STK3: variants seen among roughly 807,000 people sequenced by gnomAD.
STK3 encodes the protein serine/threonine-protein kinase 3.
In STK3, 41 loss-of-function variants were observed where a neutral mutation model predicts 58.0. That is an observed-to-expected ratio of 0.71 (90% confidence interval 0.55 to 0.92). The LOEUF is 0.92. Among genes scored for constraint, STK3 ranks in the 40% least tolerant of loss-of-function variants. STK3 has a pLI of 0.00. For missense variants in STK3, 479 were observed against 602.7 expected, an observed-to-expected ratio of 0.79 and a Z score of 2.15; for synonymous variants, 170 against 191.0, an observed-to-expected ratio of 0.89 and a Z score of 0.91.
intron 10 of STK3, among the ~76,000 whole-genome samples, chr8:98,498,269 T>C (rs1823301083): frequency 6.6e-6 from 1 of 152,062 alleles, no homozygotes; most frequent in African/African-American, 2.4e-5. Flanking sequence ...TCCCTATGTC[T>C]ATGGCCTAGA....
the STK3 span, among the ~76,000 whole-genome samples, chr8:98,357,376 C>T: frequency 3.9e-5 from 6 of 152,316 alleles, no homozygotes; most frequent in African/African-American, 1.4e-4. Context: ...AGCCTTGAAG[C>T]TTAATCCGAT....
chr8:98,703,875 C>T (rs1825786128), intron 6 of STK3, among the ~76,000 whole-genome samples: 1 of 152,178 alleles, frequency 6.6e-6, no homozygotes, highest in African/African-American at 2.4e-5. Flanking sequence ...TTGGACAGCT[C>T]TTTCTTTCAT....
chr8:98,584,273 A>G (rs1362988227), intron 7 of STK3, among the ~76,000 whole-genome samples: 1 of 105,698 alleles, frequency 9.5e-6, no homozygotes, highest in Non-Finnish European at 1.8e-5. Context: ...AACAGTCCCC[A>G]GAGTGTGATG....
intron 1 of STK3, among the ~76,000 whole-genome samples, chr8:98,443,486 A>G (rs1818775441): frequency 6.6e-6 from 1 of 151,722 alleles, no homozygotes; most frequent in African/African-American, 2.4e-5. Flanking sequence ...TGAGCAAGAT[A>G]GACACAATCT....
At chr8:98,573,586 C>T (rs914502945) in intron 8 of STK3, among the ~76,000 whole-genome samples, 3 of 151,802 alleles carry the variant, frequency 2.0e-5, no homozygotes, top group Admixed American at 2.0e-4. Context: ...ATCATTCTGC[C>T]CCTGCCCCCT....
intron 3 of STK3, among the ~76,000 whole-genome samples, chr8:98,401,917 T>A (rs181955054): frequency 6.6e-6 from 1 of 152,166 alleles, no homozygotes; most frequent in Admixed American, 6.5e-5. Flanking sequence ...CTTGTGCGCA[T>A]GCATTGTAAA....
downstream of STK3, among the ~76,000 whole-genome samples, chr8:98,369,053 C>T (rs1198716544): frequency 6.6e-6 from 1 of 152,224 alleles, no homozygotes; most frequent in Non-Finnish European, 1.5e-5. Context: ...TTTCTGCTCC[C>T]TTGATTGCCA....
intron 1 of STK3, among the ~76,000 whole-genome samples, chr8:98,903,432 C>T (rs1165713017): frequency 6.6e-6 from 1 of 151,594 alleles, no homozygotes; most frequent in East Asian, 1.9e-4. Flanking sequence ...GAAGAAAATG[C>T]TATTTTTTAG....
chr8:98,367,424 G>A (rs780555190), downstream of STK3, among the ~76,000 whole-genome samples: 1 of 152,204 alleles, frequency 6.6e-6, no homozygotes, highest in Non-Finnish European at 1.5e-5. Context: ...GCTCCCAAGA[G>A]CAACAGGAAG....
intron 4 of STK3, among the ~76,000 whole-genome samples, chr8:98,737,457 T>G (rs1374934779): frequency 6.6e-6 from 1 of 152,134 alleles, no homozygotes; most frequent in African/African-American, 2.4e-5. Flanking sequence ...GATTATTAAC[T>G]GGATTACAAA....
At chr8:98,537,445 T>A in intron 9 of STK3, among the ~76,000 whole-genome samples, 1 of 152,150 alleles carries the variant, frequency 6.6e-6, no homozygotes, top group East Asian at 1.9e-4. Flanking sequence ...GGGAGATACA[T>A]GTTCACAGAA....
In STK3 at chr8:98,903,559, T is replaced by TC. The variant is rs1234506460; in HGVS notation, c.-78-19726_-78-19725insG. Reference sequence around the variant, plus strand: ...TCTTCTTCTTCTTCTTCTTCTTCCTTTTTTTTTTTTTAAGTGGGGCCTTGC... The same window carrying TC: ...TCTTCTTCTTCTTCTTCTTCTTCCTTCTTTTTTTTTTTAAGTGGGGCCTTGC... On this transcript the variant is annotated intron_variant, in intron 1 of 1. Transcript: ENST00000519420. Among the ~76,000 whole-genome samples, 207 of 87,150 alleles carry TC rather than the reference T, an allele frequency of 2.4e-3. 17 individuals carry two copies. The highest frequency in any genetic ancestry group is 7.8e-3 in the African/African-American group (158 of 20,140). The allele number at this position is 87,150 out of a possible 152,430, so 57.2% of individuals were successfully genotyped here.
intron 6 of STK3, among the ~76,000 whole-genome samples, chr8:98,621,392 C>T (rs369519853): frequency 6.6e-5 from 10 of 152,112 alleles, no homozygotes; most frequent in Admixed American, 2.6e-4. Context: ...TATGCCTTTT[C>T]CTTTCACTTC....
At chr8:98,371,255 T>C (rs1320324925), downstream of STK3, 1 of 152,218 alleles carries the variant, frequency 6.6e-6, no homozygotes, top group Admixed American at 6.5e-5. Flanking sequence ...TATCCATCCC[T>C]CTGATCCCAT....
intron 7 of STK3, among the ~76,000 whole-genome samples, chr8:98,589,959 G>A (rs1345694219): frequency 3.3e-5 from 5 of 152,132 alleles, no homozygotes; most frequent in Admixed American, 6.5e-5. Context: ...GCTTCGGCTC[G>A]CACACGGTGC....
chr8:98,658,205 G>C (rs1462628591), intron 6 of STK3, among the ~76,000 whole-genome samples: 1 of 151,982 alleles, frequency 6.6e-6, no homozygotes, highest in African/African-American at 2.4e-5. Context: ...CAAAATTATA[G>C]GATATATGGT....
At chr8:98,422,119 C>T (rs1046537545) in intron 3 of STK3, among the ~76,000 whole-genome samples, 6 of 152,168 alleles carry the variant, frequency 3.9e-5, no homozygotes, top group Non-Finnish European at 8.8e-5. Context: ...GGAGTGGCCT[C>T]TGCAGATAAA....
intron 9 of STK3, among the ~76,000 whole-genome samples, chr8:98,540,767 G>A (rs1178847654): frequency 2.0e-5 from 3 of 152,040 alleles, no homozygotes. Context: ...TAGAGTTCTG[G>A]GTAAGTGCAC....
At chr8:98,416,255 C>A (rs1331127369) in intron 3 of STK3, among the ~76,000 whole-genome samples, 1 of 152,036 alleles carries the variant, frequency 6.6e-6, no homozygotes, top group African/African-American at 2.4e-5. Flanking sequence ...GATCAAGATG[C>A]ACTAGAAGAC....
Sources: gnomAD v4.1 joint callset for allele counts (sites outside exome capture counted in the v4.1 genomes callset) on GRCh38, gnomAD v4.1.1 for gene constraint, MANE v1.5 for transcripts, NCBI Gene and HGNC (gene_info 2026-07-23, HGNC 2026-07-21) for gene names.